MPI: variants seen among roughly 807,000 people sequenced by gnomAD.
The protein encoded by MPI is mannose-6-phosphate isomerase.
MPI carries 33 observed loss-of-function variants against 40.1 expected under a neutral mutation model. The observed-to-expected ratio is 0.82, with a 90% CI of 0.62 to 1.10. The LOEUF (loss-of-function observed/expected upper bound fraction) is 1.10. Among genes scored for constraint, MPI ranks in the 50% least tolerant of loss-of-function variants. The pLI is 0.00. For synonymous variants in MPI, 187 were observed against 207.4 expected (o/e 0.90, Z 0.85); for missense variants, 514 against 524.1 (o/e 0.98, Z 0.19).
Position 74,892,678 on chromosome 15 carries a change from G to A in MPI, c.363G>A (p.Leu121=), listed in dbSNP as rs879379479. Residue 121 remains leucine, a synonymous_variant, in exon 4 of 8, where the codon CTG becomes CTA. Transcript: ENST00000352410. ...AHPNKELAEK[L]HLQAPQHYPD... Reference sequence around the variant, plus strand: ...CCCCACAGGAGCTGGCAGAGAAGCTGCACCTCCAGGCTCCGCAGCACTACC... The same window carrying A: ...CCCCACAGGAGCTGGCAGAGAAGCTACACCTCCAGGCTCCGCAGCACTACC... 3.7e-6 allele frequency: 6 copies of A among 1,614,202 alleles called. No individual in the cohort carries two copies. Among genetic ancestry groups the A allele is most frequent in the Non-Finnish European group, 5.1e-6 (6 of 1,180,034 alleles).
Position 74,902,018 on chromosome 15 carries a change from A to G in MPI, c.*4288A>G, listed in dbSNP as rs1447635368. ...CTGGAAGCCAGGATCCTGCTGTATC[A>G]TTAAGCAACCTGCTATGATCCCTGT... On this transcript the variant is annotated 3_prime_UTR_variant, in exon 8 of 8. Coordinates refer to ENST00000352410, the MANE Select transcript of MPI (RefSeq NM_002435.3). 2.5e-6 allele frequency: 1 copy of G among 398,054 alleles called. No individual in the cohort carries two copies. Among genetic ancestry groups the G allele is most frequent in the Admixed American group, 4.4e-5 (1 of 22,716 alleles). The allele number at this position is 398,054 out of a possible 1,614,324, so 24.7% of individuals were successfully genotyped here. A position where few individuals can be genotyped will look rare whatever the true frequency, so the allele number is the denominator to read the frequency against.
chr15:74,890,316 C>A, intron 1 of MPI: 1 of 848,056 alleles, frequency 1.2e-6, no homozygotes, highest in South Asian at 1.5e-5. Flanking sequence ...CCCCGCCACC[C>A]TGCCTCAGAT....
chr15:74,897,545 G>A lies in MPI; in HGVS notation c.1087G>A (p.Ala363Thr), dbSNP rs2064840301. ...CTCTGTCACTGAATACAAGGTCTTG[G>A]CACTGGACTCTGCCAGCATCCTCCT... ...PGSVTEYKVL[A>T]LDSASILLMV... Residue 363 changes from alanine (A) to threonine (T), a missense_variant, in exon 8 of 8, where the codon GCA (alanine) becomes ACA (threonine). Coordinates refer to ENST00000352410, the MANE Select transcript of MPI (RefSeq NM_002435.3). 1 of 1,614,080 alleles carries A rather than the reference G, an allele frequency of 6.2e-7. No individual in the cohort carries two copies. Among genetic ancestry groups the A allele is most frequent in the Non-Finnish European group, 8.5e-7 (1 of 1,179,974 alleles).
rs1339038549 is a variant in MPI at position 74,897,051 on chromosome 15, T to C, written c.885T>C (p.Arg295=). Residue 295 remains arginine (R), a synonymous_variant, in exon 7 of 8, where the codon CGT becomes CGC. Coordinates refer to ENST00000352410, the MANE Select transcript of MPI (RefSeq NM_002435.3). ...ECMACSDNTV[R]AGLTPKFIDV... Reference sequence around the variant, plus strand: ...TGGCGTGTTCAGACAACACAGTTCGTGCTGGCCTGACACCCAAGTTCATTG... The same window carrying C: ...TGGCGTGTTCAGACAACACAGTTCGCGCTGGCCTGACACCCAAGTTCATTG... 5 of 1,614,162 alleles carry C rather than the reference T, an allele frequency of 3.1e-6. No individual in the cohort carries two copies. The highest frequency in any genetic ancestry group is 4.2e-6 in the Non-Finnish European group (5 of 1,180,024).
At chr15:74,892,956 GA>G in intron 4 of MPI, 154 bp downstream of exon 4, 1 of 1,369,546 alleles carries the variant, frequency 7.3e-7, no homozygotes, top group Non-Finnish European at 1.0e-6. Context: ...AGGCCAGTGA[GA>G]CCAGGCTCAG....
intron 5 of MPI, among the ~76,000 whole-genome samples, chr15:74,894,080 G>A (rs2064772586): frequency 1.6e-5 from 1 of 61,316 alleles, no homozygotes; most frequent in Non-Finnish European, 3.3e-5. Context: ...GTGTGTGTGT[G>A]TGTGTGTGTG....
At chr15:74,893,691 C>A (rs1326279379) in intron 5 of MPI, 1 of 567,232 alleles carries the variant, frequency 1.8e-6, no homozygotes, top group Non-Finnish European at 3.2e-6. Flanking sequence ...TCCTCCCTCT[C>A]CTGGAAAGGA....
At chr15:74,891,015 C>T (rs1480474001) in intron 2 of MPI, 1 of 568,172 alleles carries the variant, frequency 1.8e-6, no homozygotes, top group Admixed American at 2.2e-5. Context: ...GCTTTCGCCT[C>T]TGCTTCTGAA....
chr15:74,891,195 C>T (rs2064720780), intron 2 of MPI, among the ~76,000 whole-genome samples, 184 bp from the exon 3 acceptor site: 1 of 152,246 alleles, frequency 6.6e-6, no homozygotes, highest in Non-Finnish European at 1.5e-5. Flanking sequence ...CGAGTCTGGA[C>T]AAGGGCCTGG....
rs1348167277 is a variant in MPI at position 74,900,354 on chromosome 15, A to G, written c.*2624A>G. ...CTTCTTCAGGGACAGTTGCAGCTGA[A>G]TATGCCAGAGCTGATTATTACAACA... is the stretch of plus-strand genomic sequence containing the variant. On this transcript the variant is annotated 3_prime_UTR_variant, in exon 8 of 8. Transcript: ENST00000352410. The G allele has an allele frequency of 6.6e-6, 1 of 152,310 alleles. No homozygotes were observed. Among genetic ancestry groups the G allele is most frequent in the Admixed American group, 6.5e-5 (1 of 15,276 alleles). The allele number at this position is 152,310 out of a possible 1,614,324, so 9.4% of individuals were successfully genotyped here.
chr15:74,894,053 T>A (rs1298637536), intron 5 of MPI, among the ~76,000 whole-genome samples: 1 of 18,314 alleles, frequency 5.5e-5, no homozygotes, highest in South Asian at 1.4e-3. Flanking sequence ...TGTGTGTGTG[T>A]GTGTGTGTGT....
At chr15:74,897,472 G>T in intron 7 of MPI, 40 bp from the exon 8 acceptor site, 1 of 1,591,002 alleles carries the variant, frequency 6.3e-7, no homozygotes, top group South Asian at 1.1e-5. Context: ...GATGAGAGCA[G>T]AGTCTGAGCT....
intron 5 of MPI, 196 bp from the exon 6 acceptor site, chr15:74,895,956 T>C (rs2064811465): frequency 1.6e-6 from 1 of 615,800 alleles, no homozygotes; most frequent in African/African-American, 1.8e-5. Context: ...TGATGAAAGA[T>C]GGTATTTGTA....
chr15:74,896,373 C>G lies in MPI; in HGVS notation c.844+48C>G, dbSNP rs1377346641. On this transcript the variant is annotated intron_variant, in intron 6 of 7. Coordinates refer to ENST00000352410, the MANE Select transcript of MPI (RefSeq NM_002435.3). ...GCCCCACTGCCATCCCTGCTGGGCC[C>G]TGTTTCCCTATCTGGACAAAGGAAG... The G allele has an allele frequency of 1.3e-5, 21 of 1,606,238 alleles. 1 individual carries two copies. Among genetic ancestry groups the G allele is most frequent in the African/African-American group, 1.1e-4 (8 of 74,884 alleles).
intron 1 of MPI, chr15:74,890,308 C>T (rs992002489): frequency 3.5e-6 from 3 of 851,148 alleles, no homozygotes; most frequent in African/African-American, 3.3e-5. Flanking sequence ...TGCTCCCTCC[C>T]CGCCACCCTG....
chr15:74,890,799 T>A, intron 2 of MPI, 145 bp downstream of exon 2: 1 of 1,079,618 alleles, frequency 9.3e-7, no homozygotes, highest in South Asian at 1.3e-5. Flanking sequence ...GACTAGATAG[T>A]GTTATCAAAA....
chr15:74,890,292 A>T, intron 1 of MPI: 1 of 875,852 alleles, frequency 1.1e-6, no homozygotes, highest in Non-Finnish European at 1.8e-6. Context: ...TGGGATAGGT[A>T]CCTTCTGCTC....
Position 74,892,750 on chromosome 15 carries a change from C to A in MPI, c.435C>A (p.Phe145Leu). 1 of 1,614,280 alleles carries A rather than the reference C, an allele frequency of 6.2e-7. No homozygotes were observed. Among genetic ancestry groups the A allele is most frequent in the Non-Finnish European group, 8.5e-7 (1 of 1,180,054 alleles). ...AGATGGCCATTGCCCTCACCCCCTTCCAGGGCTTGTGTGGCTTCCGGCCAG... is the reference window on the plus strand; with the variant it reads ...AGATGGCCATTGCCCTCACCCCCTTACAGGGCTTGTGTGGCTTCCGGCCAG... The part of the protein sequence containing the change: ...KPEMAIALTP[F>L]QGLCGFRPVE... Residue 145 changes from phenylalanine (F) to leucine (L), a missense_variant, in exon 4 of 8, where the codon TTC becomes TTA. Transcript: ENST00000352410.
At position 74,898,654 on chromosome 15, in the gene MPI, C is replaced by T. The variant is rs1205674478; in HGVS notation, c.*924C>T. 6.6e-6 allele frequency: 1 copy of T among 152,322 alleles called. No homozygotes were observed. The highest frequency in any genetic ancestry group is 1.5e-5 in the Non-Finnish European group (1 of 68,170). The allele number at this position is 152,322 out of a possible 1,614,324, so 9.4% of individuals were successfully genotyped here. ...CCGGGTTCACGCCACTCTTCTGCCT[C>T]AGCCTCCCAAGTAGCTGGGACCACA... On this transcript the variant is annotated 3_prime_UTR_variant, in exon 8 of 8. Transcript: ENST00000352410.
Sources: gnomAD v4.1 joint callset for allele counts (sites outside exome capture counted in the v4.1 genomes callset) on GRCh38, gnomAD v4.1.1 for gene constraint, MANE v1.5 for transcripts, NCBI Gene and HGNC (gene_info 2026-07-23, HGNC 2026-07-21) for gene names.